PLLP: variants seen among roughly 807,000 people sequenced by gnomAD.
PLLP encodes plasmolipin.
PLLP carries 15 observed loss-of-function variants against 19.7 expected under a neutral mutation model. That is an observed-to-expected ratio of 0.76 (90% CI 0.51 to 1.17). The LOEUF (loss-of-function observed/expected upper bound fraction) is 1.17, where lower values mean the gene tolerates loss of function less well. Among genes scored for constraint, PLLP ranks in the 50% most tolerant of loss-of-function variants. The pLI is 0.00. For missense variants in PLLP, 255 were observed against 258.3 expected (o/e 0.99, Z 0.09); for synonymous variants, 111 against 116.3 (o/e 0.95, Z 0.29).
chr16:57,282,170 T>G (rs1901227547), intron 1 of PLLP, among the ~76,000 whole-genome samples: 1 of 148,856 alleles, frequency 6.7e-6, no homozygotes, highest in Non-Finnish European at 1.5e-5. Flanking sequence ...CTCCTCTTAC[T>G]CCAATGCCTT....
chr16:57,263,784 C>T (rs1252063545), intron 1 of PLLP, among the ~76,000 whole-genome samples: 1 of 151,974 alleles, frequency 6.6e-6, no homozygotes, highest in Non-Finnish European at 1.5e-5. Flanking sequence ...CGAGGGCACT[C>T]TCTGGAATCC....
intron 1 of PLLP, among the ~76,000 whole-genome samples, chr16:57,279,316 C>G (rs920623089): frequency 6.6e-6 from 1 of 151,990 alleles, no homozygotes; most frequent in Non-Finnish European, 1.5e-5. Flanking sequence ...TCCATGCCAC[C>G]CCATGGATCA....
At chr16:57,260,002 T>C (rs986287620) in intron 2 of PLLP, among the ~76,000 whole-genome samples, 3 of 149,326 alleles carry the variant, frequency 2.0e-5, no homozygotes, top group Admixed American at 1.3e-4. Flanking sequence ...AAACTTAGGA[T>C]ATCAAAAGAT....
At chr16:57,266,254 A>G (rs1422237160) in intron 1 of PLLP, among the ~76,000 whole-genome samples, 17 of 152,252 alleles carry the variant, frequency 1.1e-4, no homozygotes, top group African/African-American at 4.1e-4. Flanking sequence ...AGATCAGCGA[A>G]CACAGCGTCC....
intron 2 of PLLP, among the ~76,000 whole-genome samples, chr16:57,260,367 A>G (rs1338911200): frequency 1.3e-5 from 2 of 152,068 alleles, no homozygotes; most frequent in Admixed American, 6.6e-5. Flanking sequence ...TTATCTCTGG[A>G]GATTTCTCTC....
chr16:57,277,121 G>C (rs1199289931), intron 1 of PLLP, among the ~76,000 whole-genome samples: 2 of 152,218 alleles, frequency 1.3e-5, no homozygotes, highest in African/African-American at 2.4e-5. Flanking sequence ...CTGGGAGAGA[G>C]AGGAATCTAG....
chr16:57,271,560 G>C (rs2075476006), intron 1 of PLLP, among the ~76,000 whole-genome samples: 1 of 151,894 alleles, frequency 6.6e-6, no homozygotes, highest in African/African-American at 2.4e-5. Flanking sequence ...CAAGAGAATT[G>C]CTTGAACCTG....
At chr16:57,257,205 A>G (rs2075428696) in intron 3 of PLLP, among the ~76,000 whole-genome samples, 176 bp from the exon 4 acceptor site, 1 of 152,210 alleles carries the variant, frequency 6.6e-6, no homozygotes, top group Non-Finnish European at 1.5e-5. Flanking sequence ...TGGGATACCA[A>G]CATTACCTTC....
rs2075443783 is a variant in PLLP, at chr16:57,262,072, T to C, written c.136-2A>G. 1 of 1,613,912 alleles carries C rather than the reference T, an allele frequency of 6.2e-7. No individual in the cohort carries two copies. Among genetic ancestry groups the C allele is most frequent in the African/African-American group, 1.3e-5 (1 of 74,916 alleles). On this transcript the variant is annotated splice_acceptor_variant, in intron 1 of 3. Coordinates refer to ENST00000219207, the MANE Select transcript of PLLP (RefSeq NM_015993.3). LOFTEE classifies it high-confidence loss of function. ...CGCCCACACCAGCAGCCCCAGCACC[T>C]AGGAGGGTCAGACAAGGCAGGATTG...
intron 2 of PLLP, among the ~76,000 whole-genome samples, chr16:57,261,287 G>A (rs1202121035): frequency 6.6e-6 from 1 of 152,170 alleles, no homozygotes; most frequent in African/African-American, 2.4e-5. Context: ...TTACAGGCGT[G>A]AGCCACCACA....
chr16:57,280,820 G>A (rs566000357), intron 1 of PLLP, among the ~76,000 whole-genome samples: 91 of 152,312 alleles, frequency 6.0e-4, no homozygotes, highest in Middle Eastern at 3.4e-3. Context: ...TAACGATAGT[G>A]ATAAATCAAT....
intron 1 of PLLP, among the ~76,000 whole-genome samples, chr16:57,278,205 T>C (rs1233902907): frequency 1.3e-5 from 2 of 152,072 alleles, no homozygotes; most frequent in African/African-American, 4.8e-5. Context: ...TTGGGTGTAG[T>C]GGCAGGCACC....
chr16:57,278,496 G>T (rs1304847759), intron 1 of PLLP, among the ~76,000 whole-genome samples: 1 of 152,176 alleles, frequency 6.6e-6, no homozygotes, highest in African/African-American at 2.4e-5. Flanking sequence ...CAGCTTTAGT[G>T]TAATCTGTAC....
intron 1 of PLLP, among the ~76,000 whole-genome samples, chr16:57,284,133 G>A (rs1449485373): frequency 1.3e-5 from 2 of 152,150 alleles, no homozygotes; most frequent in Admixed American, 6.5e-5. Flanking sequence ...GGCACGATGG[G>A]GCACGGGCAG....
intron 1 of PLLP, among the ~76,000 whole-genome samples, chr16:57,276,315 G>A (rs1399317655): frequency 6.6e-6 from 1 of 152,162 alleles, no homozygotes; most frequent in African/African-American, 2.4e-5. Context: ...AAATTAGCTG[G>A]GCATCATGGC....
rs1266996457 is a variant in PLLP, at chr16:57,258,533, C to T, written c.361G>A (p.Ala121Thr). Residue 121 changes from alanine (A) to threonine (T), a missense_variant, in exon 3 of 4, where the codon GCC (alanine) becomes ACC (threonine). Coordinates refer to ENST00000219207, the MANE Select transcript of PLLP (RefSeq NM_015993.3). ...GTCAGGTCAACTGCCGCAGAGCAGGCGATGAAGGCGGTGATGTAGAGAACG... is the reference window on the plus strand; with the variant it reads ...GTCAGGTCAACTGCCGCAGAGCAGGTGATGAAGGCGGTGATGTAGAGAACG... ...ATVLYITAFIACSAAVDLTSL... is the reference protein window; with the variant it reads ...ATVLYITAFITCSAAVDLTSL... 5 of 1,613,050 alleles carry T rather than the reference C, an allele frequency of 3.1e-6. No individual in the cohort carries two copies. The highest frequency in any genetic ancestry group is 1.1e-5 in the South Asian group (1 of 91,060).
intron 1 of PLLP, 98 bp downstream of exon 1, chr16:57,284,308 A>C: frequency 9.2e-7 from 1 of 1,092,868 alleles, no homozygotes; most frequent in East Asian, 3.2e-5. Context: ...TGGGGAGCGC[A>C]AGGTTCGCGA....
intron 2 of PLLP, among the ~76,000 whole-genome samples, chr16:57,259,302 G>A (rs1398764375): frequency 6.6e-6 from 1 of 152,252 alleles, no homozygotes; most frequent in Admixed American, 6.5e-5. Context: ...GGCCATCCCT[G>A]GTACCACTGC....
In PLLP at chr16:57,265,162, A is replaced by G. The variant is rs374056640; in HGVS notation, c.136-3092T>C. Among the ~76,000 whole-genome samples the G allele has an allele frequency of 5.3e-5, 8 of 152,366 alleles. No homozygotes were observed. In the East Asian group the frequency reaches 1.4e-3, roughly 26 times the overall value. ...CCAGGTGAGGGTAGGCAGGTGAGGA[A>G]GCCAGGGCGGAGCCACAGGGCCTTG... On this transcript the variant is annotated intron_variant, in intron 1 of 3. Coordinates refer to ENST00000219207, the MANE Select transcript of PLLP (RefSeq NM_015993.3).
Sources: allele counts gnomAD v4.1 joint callset (sites outside exome capture counted in the v4.1 genomes callset), GRCh38; gene constraint gnomAD v4.1.1; transcripts MANE v1.5; gene names NCBI Gene and HGNC (gene_info 2026-07-23, HGNC 2026-07-21).